The following CPSF6 variants were observed in gnomAD, a reference collection of about 807,000 sequenced individuals.
CPSF6 encodes cleavage and polyadenylation specificity factor subunit 6.
In CPSF6, 10 loss-of-function variants were observed where a neutral mutation model predicts 56.7. The observed-to-expected ratio is 0.18, with a 90% CI of 0.11 to 0.30. The LOEUF is 0.30. CPSF6 is among the 10% of genes least tolerant of loss of function. The pLI, the probability that CPSF6 is intolerant of heterozygous loss-of-function variation, is 1.00. For synonymous variants in CPSF6, 248 were observed against 244.8 expected, an observed-to-expected ratio of 1.01 and a Z score of -0.12; for missense variants, 419 against 722.9, an observed-to-expected ratio of 0.58 and a Z score of 4.82.
In CPSF6 at chr12:69,262,505, T is replaced by TGACCGA; in HGVS notation, c.1608_1613dup (p.Asp539_Arg540dup). ...GAGAACGAGAGAGGCACCGGGATCGTGACCGAGACCGTGACCGAGAGCGTG... is the reference window on the plus strand; with the variant it reads ...GAGAACGAGAGAGGCACCGGGATCGTGACCGAGACCGAGACCGTGACCGAGAGCGTG... On this transcript the variant is annotated inframe_insertion, in exon 9 of 10. Coordinates refer to ENST00000435070, the MANE Select transcript of CPSF6 (RefSeq NM_007007.3). 1 of 1,614,070 alleles carries TGACCGA rather than the reference T, an allele frequency of 6.2e-7. No individual in the cohort carries two copies. Among genetic ancestry groups the TGACCGA allele is most frequent in the Non-Finnish European group, 8.5e-7 (1 of 1,179,952 alleles).
chr12:69,244,201 C>A (rs1255644114), intron 1 of CPSF6, among the ~76,000 whole-genome samples: 1 of 152,054 alleles, frequency 6.6e-6, no homozygotes, highest in Non-Finnish European at 1.5e-5. Flanking sequence ...AAAATATTTT[C>A]TTTATATCCT....
chr12:69,269,275 T>G (rs1296522348), intron 9 of CPSF6, among the ~76,000 whole-genome samples: 1 of 151,734 alleles, frequency 6.6e-6, no homozygotes, highest in Non-Finnish European at 1.5e-5. Context: ...GTCATTAAAT[T>G]TATAAGGCAA....
At chr12:69,249,116 T>C (rs1161574198) in intron 1 of CPSF6, among the ~76,000 whole-genome samples, 2 of 113,030 alleles carry the variant, frequency 1.8e-5, no homozygotes, top group African/African-American at 3.5e-5. Context: ...AGAAATTAGC[T>C]GGGCAAGGTA....
At chr12:69,247,152 G>T (rs1243690555) in intron 1 of CPSF6, among the ~76,000 whole-genome samples, 1 of 152,162 alleles carries the variant, frequency 6.6e-6, no homozygotes, top group Non-Finnish European at 1.5e-5. Flanking sequence ...CTTCTTGAAG[G>T]GAGGGAGGAG....
chr12:69,259,974 T>A lies in CPSF6; in HGVS notation c.1316-70T>A. ...TTTGTAAAATGCCTTATCACTCTTA[T>A]CCCAAGTGGTTTGATGGTGTTTTGA... On this transcript the variant is annotated intron_variant, in intron 7 of 9. Transcript: ENST00000435070. 4.6e-6 allele frequency: 7 copies of A among 1,532,038 alleles called. No individual in the cohort carries two copies. The South Asian group carries it at 5.8e-5, about 13-fold the overall frequency. The allele number at this position is 1,532,038 out of a possible 1,614,324, so 94.9% of individuals were successfully genotyped here.
chr12:69,249,780 G>C (rs1004434356), intron 1 of CPSF6, among the ~76,000 whole-genome samples: 1 of 152,204 alleles, frequency 6.6e-6, no homozygotes, highest in East Asian at 1.9e-4. Flanking sequence ...CATTTTTCAT[G>C]TACTTAGTTA....
At chr12:69,252,170 G>A (rs1166039787) in intron 2 of CPSF6, 1 of 444,922 alleles carries the variant, frequency 2.2e-6, no homozygotes, top group Non-Finnish European at 4.5e-6. Context: ...AAACTCCTGG[G>A]CTGAAGTGAT....
intron 9 of CPSF6, among the ~76,000 whole-genome samples, chr12:69,267,240 A>G (rs950901016): frequency 6.6e-6 from 1 of 152,078 alleles, no homozygotes. Flanking sequence ...TACTAATTCT[A>G]ACAAATGTGC....
Position 69,258,361 on chromosome 12 carries a change from A to G in CPSF6, c.695-229A>G, listed in dbSNP as rs146834962. On this transcript the variant is annotated intron_variant, in intron 5 of 9. Transcript: ENST00000435070. The surrounding 1 kb of genome is among the most constrained non-coding windows in gnomAD (Gnocchi z 4.2). ...TCTCTAGGCATTGTAATATTTTTTT[A>G]TTAAAGTTTTCGTTTCAATAATTTT... is the stretch of plus-strand genomic sequence containing the variant. Among the ~76,000 whole-genome samples, 81 of 152,266 alleles carry G rather than the reference A, an allele frequency of 5.3e-4. No individual in the cohort carries two copies. Among genetic ancestry groups the G allele is most frequent in the Non-Finnish European group, 9.4e-4 (64 of 68,004 alleles).
chr12:69,256,872 A>C (rs1872532874), intron 4 of CPSF6, 30 bp downstream of exon 4: 1 of 1,567,640 alleles, frequency 6.4e-7, no homozygotes, highest in Non-Finnish European at 8.6e-7. Flanking sequence ...TTTTATTAAA[A>C]TATGTACATT....
At chr12:69,249,293 T>A (rs572692110) in intron 1 of CPSF6, among the ~76,000 whole-genome samples, 206 of 151,194 alleles carry the variant, frequency 1.4e-3, no homozygotes, top group African/African-American at 4.4e-3. Context: ...AAATAAAAAT[T>A]AAAATTAAAA....
intron 1 of CPSF6, among the ~76,000 whole-genome samples, chr12:69,245,686 TTG>T (rs1956328160): frequency 6.6e-6 from 1 of 152,204 alleles, no homozygotes; most frequent in Non-Finnish European, 1.5e-5. Context: ...GTAGTATGTT[TTG>T]TTGCTTGTTT....
intron 1 of CPSF6, among the ~76,000 whole-genome samples, chr12:69,247,406 T>A (rs1871970028): frequency 1.3e-5 from 2 of 152,062 alleles, no homozygotes; most frequent in African/African-American, 4.8e-5. Context: ...AGAGCTGTTG[T>A]TTATTCCAAG....
Position 69,259,527 on chromosome 12 carries a change from G to C in CPSF6, c.1299G>C (p.Val433=), listed in dbSNP as rs778678531. The change falls in exon 7 of 10, where the codon GTG becomes GTC. Residue 433 remains valine, a synonymous_variant. Transcript: ENST00000435070. The part of the protein sequence containing the change: ...AISSSAISRA[V]SDASAGDYGS... ...CAAGCAGTGCTATTTCGAGAGCTGT[G>C]TCTGATGCCAGTGCTGGTTTGTGTA... 5 of 1,612,002 alleles carry C rather than the reference G, an allele frequency of 3.1e-6. No homozygotes were observed. The highest frequency in any genetic ancestry group is 4.2e-6 in the Non-Finnish European group (5 of 1,179,366).
intron 1 of CPSF6, 62 bp downstream of exon 1, chr12:69,239,768 C>T: frequency 2.0e-6 from 3 of 1,471,562 alleles, no homozygotes; most frequent in African/African-American, 1.5e-5. Flanking sequence ...GAAGCTGACC[C>T]GGGGCCCGCT....
At chr12:69,240,155 C>A (rs1196668876) in intron 1 of CPSF6, among the ~76,000 whole-genome samples, 10 of 151,976 alleles carry the variant, frequency 6.6e-5, no homozygotes, top group Non-Finnish European at 1.2e-4. Context: ...GCCCCTTCCC[C>A]GCCGCTGCCG....
rs565243611 is a variant in CPSF6, at chr12:69,247,186, A to G, written c.61-3943A>G. 4.6e-5 allele frequency among the ~76,000 whole-genome samples: 7 copies of G among 152,254 alleles called. No homozygotes were observed. The South Asian group carries it at 1.5e-3, about 32-fold the overall frequency. On this transcript the variant is annotated intron_variant, in intron 1 of 9. Transcript: ENST00000435070. Reference sequence around the variant, plus strand: ...AGACAGGGATAATGAAAAGGTTGAGAAGCCATACTTTAAGGGAACTAATAG... The same window carrying G: ...AGACAGGGATAATGAAAAGGTTGAGGAGCCATACTTTAAGGGAACTAATAG...
At chr12:69,267,111 G>A (rs1873027204) in intron 9 of CPSF6, among the ~76,000 whole-genome samples, 1 of 151,966 alleles carries the variant, frequency 6.6e-6, no homozygotes, top group South Asian at 2.1e-4. Flanking sequence ...TGAGTTAGTA[G>A]TGCATCTCTA....
chr12:69,261,874 C>A (rs930516352), intron 8 of CPSF6, among the ~76,000 whole-genome samples: 1 of 152,154 alleles, frequency 6.6e-6, no homozygotes, highest in African/African-American at 2.4e-5. Flanking sequence ...CTCTTCTCCT[C>A]CCCTGAATAT....
Sources: allele counts gnomAD v4.1 joint callset (sites outside exome capture counted in the v4.1 genomes callset), GRCh38; gene constraint gnomAD v4.1.1; non-coding constraint Gnocchi (gnomAD v3.1); transcripts MANE v1.5; gene names NCBI Gene and HGNC (gene_info 2026-07-23, HGNC 2026-07-21).